DIP2C: variants seen among roughly 807,000 people sequenced by gnomAD.
DIP2C encodes the protein DIP2 acetate--CoA ligase C (putative).
Under a neutral mutation model 192.4 loss-of-function variants are expected in DIP2C, and 33 were observed. The observed-to-expected ratio is 0.17, with a 90% CI of 0.13 to 0.23. The LOEUF is 0.23. Among genes scored for constraint, DIP2C ranks in the 10% least tolerant of loss-of-function variants. The pLI is 1.00. For synonymous variants in DIP2C, 979 were observed against 864.1 expected, an observed-to-expected ratio of 1.13 and a Z score of -2.33; for missense variants, 1,537 against 2,110.1, an observed-to-expected ratio of 0.73 and a Z score of 5.32.
intron 4 of DIP2C, among the ~76,000 whole-genome samples, chr10:437,044 A>C (rs1438384246): frequency 2.3e-5 from 3 of 129,212 alleles, no homozygotes; most frequent in Non-Finnish European, 4.8e-5. Context: ...CGCCTCCTGG[A>C]CATGGTAGGG....
intron 34 of DIP2C, 105 bp downstream of exon 34, chr10:286,168 G>T: frequency 1.9e-6 from 2 of 1,035,196 alleles, no homozygotes; most frequent in Admixed American, 1.8e-5. Context: ...AGCTCAAACC[G>T]GTGTGTGGCA....
chr10:448,404 G>A (rs1275797812), intron 3 of DIP2C, among the ~76,000 whole-genome samples: 4 of 141,320 alleles, frequency 2.8e-5, no homozygotes, highest in African/African-American at 1.1e-4. Context: ...TGGGGCAGCA[G>A]GACCCACTCA....
intron 1 of DIP2C, among the ~76,000 whole-genome samples, chr10:625,386 A>G (rs769583639): frequency 6.6e-6 from 1 of 152,224 alleles, no homozygotes; most frequent in Non-Finnish European, 1.5e-5. Flanking sequence ...GCCGATTCCT[A>G]AATTAAACAC....
chr10:510,053 TC>T (rs1448330406), intron 1 of DIP2C, among the ~76,000 whole-genome samples: 2 of 152,162 alleles, frequency 1.3e-5, no homozygotes, highest in Non-Finnish European at 2.9e-5. Context: ...GAAGCCAAGG[TC>T]CCACTTTAAC....
At chr10:321,531 G>GGGGCTCCAGCGAGAGACCGGTGT (rs1957011013) in intron 31 of DIP2C, among the ~76,000 whole-genome samples, 1 of 72,482 alleles carries the variant, frequency 1.4e-5, no homozygotes, top group South Asian at 5.3e-4. Context: ...GAAGGCCTGC[G>GGGGCTCCAGCGAGAGACCGGTGT]GGGGCTCCAG....
At chr10:603,899 G>A (rs529450539) in intron 1 of DIP2C, among the ~76,000 whole-genome samples, 8 of 147,090 alleles carry the variant, frequency 5.4e-5, no homozygotes, top group East Asian at 2.0e-4. Flanking sequence ...ACACCCCTCC[G>A]ACCACTGCCC....
At position 356,947 on chromosome 10, in the gene DIP2C, G is replaced by A. The variant is rs577892391; in HGVS notation, c.2905-441C>T. ...TCAGATCTATCTGGTTTTAAAAAGC[G>A]GGATCTAATAAATTTAGGTTTCTAG... On this transcript the variant is annotated intron_variant, in intron 23 of 36. Coordinates refer to ENST00000280886, the MANE Select transcript of DIP2C (RefSeq NM_014974.3). 2.6e-5 allele frequency among the ~76,000 whole-genome samples: 4 copies of A among 152,284 alleles called. No individual in the cohort carries two copies. The East Asian group carries it at 5.8e-4, about 22-fold the overall frequency.
intron 3 of DIP2C, among the ~76,000 whole-genome samples, chr10:469,049 T>C (rs1435465586): frequency 6.6e-6 from 1 of 151,998 alleles, no homozygotes; most frequent in Non-Finnish European, 1.5e-5. Flanking sequence ...GGGTGCAGAA[T>C]TGGAGACCAT....
intron 34 of DIP2C, among the ~76,000 whole-genome samples, chr10:285,360 C>T (rs1955053236): frequency 6.6e-6 from 1 of 152,182 alleles, no homozygotes; most frequent in Non-Finnish European, 1.5e-5. Flanking sequence ...CCCACATGTG[C>T]TGCTGGGAGC....
At chr10:473,161 T>C (rs1970773211) in intron 2 of DIP2C, among the ~76,000 whole-genome samples, 1 of 152,152 alleles carries the variant, frequency 6.6e-6, no homozygotes, top group Admixed American at 6.5e-5. Flanking sequence ...ATTAATGCGG[T>C]CAGATAAAAA....
intron 1 of DIP2C, among the ~76,000 whole-genome samples, chr10:626,485 G>A (rs918355262): frequency 2.6e-5 from 4 of 151,954 alleles, no homozygotes; most frequent in Admixed American, 2.6e-4. Context: ...CGTCCCCGGG[G>A]TTACCCTCCA....
At chr10:422,570 A>G (rs1050489967) in intron 5 of DIP2C, among the ~76,000 whole-genome samples, 5 of 152,230 alleles carry the variant, frequency 3.3e-5, no homozygotes, top group Admixed American at 2.0e-4. Flanking sequence ...ATAAGTGAGA[A>G]GAAAAGATGG....
chr10:445,266 G>A (rs888393870), intron 3 of DIP2C, among the ~76,000 whole-genome samples: 2 of 151,208 alleles, frequency 1.3e-5, no homozygotes, highest in African/African-American at 2.4e-5. Flanking sequence ...TGGGGCATCT[G>A]TATACAACTG....
At chr10:328,598 A>AAACAC (rs10626677) in intron 30 of DIP2C, among the ~76,000 whole-genome samples, 1 of 152,170 alleles carries the variant, frequency 6.6e-6, no homozygotes, top group African/African-American at 2.4e-5. Flanking sequence ...TTTCCTATAT[A>AAACAC]AAAACTTAAA....
chr10:414,745 A>ATATATATG (rs1965472721), intron 7 of DIP2C, among the ~76,000 whole-genome samples: 1 of 90,886 alleles, frequency 1.1e-5, no homozygotes, highest in Non-Finnish European at 2.3e-5. Flanking sequence ...GTGTGTACAT[A>ATATATATG]TATATATATA....
At position 399,097 on chromosome 10, in the gene DIP2C, C is replaced by T. The variant is rs756615212; in HGVS notation, c.1260+12G>A. ...ACTCAGCGAGAAACCGAGCAAAGGG[C>T]GCATTCCTTACCTTCCTGGTGAGCG... On this transcript the variant is annotated intron_variant, in intron 10 of 36. Coordinates refer to ENST00000280886, the MANE Select transcript of DIP2C (RefSeq NM_014974.3). 2.1e-5 allele frequency: 34 copies of T among 1,604,986 alleles called. No homozygotes were observed. Among genetic ancestry groups the T allele is most frequent in the South Asian group, 9.9e-5 (9 of 90,902 alleles).
intron 1 of DIP2C, among the ~76,000 whole-genome samples, chr10:637,688 A>G (rs1334480445): frequency 6.6e-6 from 1 of 152,214 alleles, no homozygotes; most frequent in Non-Finnish European, 1.5e-5. Context: ...ACAAAAGCCC[A>G]TCATTTAATT....
chr10:444,004 T>G (rs1416328466), intron 3 of DIP2C, among the ~76,000 whole-genome samples: 1 of 152,204 alleles, frequency 6.6e-6, no homozygotes, highest in Non-Finnish European at 1.5e-5. Context: ...GCCTCAAAGT[T>G]CCCACACATC....
chr10:574,197 T>C (rs1027657202), intron 1 of DIP2C, among the ~76,000 whole-genome samples: 2 of 152,224 alleles, frequency 1.3e-5, no homozygotes, highest in Non-Finnish European at 2.9e-5. Context: ...AATAGGCTTT[T>C]TCTCTTATAT....
Sources: gnomAD v4.1 joint callset for allele counts (sites outside exome capture counted in the v4.1 genomes callset) on GRCh38, gnomAD v4.1.1 for gene constraint, MANE v1.5 for transcripts, NCBI Gene and HGNC (gene_info 2026-07-23, HGNC 2026-07-21) for gene names.